SYT13: variants seen among roughly 807,000 people sequenced by gnomAD.
SYT13 encodes synaptotagmin 13, also known as synaptotagmin-13.
In SYT13, 21 loss-of-function variants were observed where a neutral mutation model predicts 38.6. The ratio of observed to expected loss-of-function variants is 0.54; its 90% CI spans 0.39 to 0.78. SYT13 has a LOEUF of 0.78. Among genes scored for constraint, SYT13 ranks in the 30% least tolerant of loss-of-function variants. The pLI is 0.00. For synonymous variants in SYT13, 241 were observed against 237.6 expected, an observed-to-expected ratio of 1.01 and a Z score of -0.13; for missense variants, 495 against 548.7, an observed-to-expected ratio of 0.90 and a Z score of 0.98.
intron 4 of SYT13, among the ~76,000 whole-genome samples, chr11:45,246,750 A>G (rs987201259): frequency 1.3e-5 from 2 of 152,180 alleles, no homozygotes; most frequent in Non-Finnish European, 2.9e-5. Flanking sequence ...GATTTTTCAT[A>G]TACCATATAC....
chr11:45,243,172 C>T lies in SYT13; in HGVS notation c.*880G>A, dbSNP rs907100012. Reference sequence around the variant, plus strand: ...TGTACTTTGTTAGGGATGGTCTCCCCAAGGATAATAGAAACTGATTTTAAG... The same window carrying T: ...TGTACTTTGTTAGGGATGGTCTCCCTAAGGATAATAGAAACTGATTTTAAG... On this transcript the variant is annotated 3_prime_UTR_variant, in exon 6 of 6. Transcript: ENST00000020926. 4.6e-5 allele frequency: 7 copies of T among 151,912 alleles called. No homozygotes were observed. The highest frequency in any genetic ancestry group is 1.7e-4 in the African/African-American group (7 of 41,328). 9.4% of individuals were successfully genotyped at this position (151,912 alleles called of 1,614,324 possible). A position where few individuals can be genotyped will look rare whatever the true frequency, so the allele number is the denominator to read the frequency against.
intron 1 of SYT13, among the ~76,000 whole-genome samples, chr11:45,282,649 C>T (rs780361648): frequency 2.0e-5 from 3 of 152,188 alleles, no homozygotes; most frequent in South Asian, 2.1e-4. Flanking sequence ...TAATGTGCTA[C>T]CAAGCTATCT....
Position 45,241,526 on chromosome 11 carries a change from A to AAAG in SYT13, c.*2523_*2525dup, listed in dbSNP as rs1565370540. On this transcript the variant is annotated 3_prime_UTR_variant, in exon 6 of 6. Coordinates refer to ENST00000020926, the MANE Select transcript of SYT13 (RefSeq NM_020826.3). ...CTCCCCCGCCCCGCCCCCCCAAAAAAAAGAAGAAGAAGAATGAAAGGATGC... is the reference window on the plus strand; with the variant it reads ...CTCCCCCGCCCCGCCCCCCCAAAAAAAAGAAGAAGAAGAAGAATGAAAGGATGC... 5 of 109,150 alleles carry AAAG rather than the reference A, an allele frequency of 4.6e-5. No homozygotes were observed. Among genetic ancestry groups the AAAG allele is most frequent in the Admixed American group, 2.7e-4 (3 of 11,038 alleles). 6.8% of individuals were successfully genotyped at this position (109,150 alleles called of 1,614,324 possible).
chr11:45,278,366 G>C (rs187844074), intron 1 of SYT13, among the ~76,000 whole-genome samples: 2 of 152,112 alleles, frequency 1.3e-5, no homozygotes, highest in Admixed American at 6.5e-5. Context: ...CCACATATTC[G>C]GATTGCTCTC....
chr11:45,267,796 C>T (rs1442129261), intron 1 of SYT13, among the ~76,000 whole-genome samples: 2 of 152,158 alleles, frequency 1.3e-5, no homozygotes, highest in Non-Finnish European at 2.9e-5. Context: ...TGACACAGTT[C>T]ACTCTGCAAA....
At chr11:45,257,484 G>T (rs1222166794) in intron 1 of SYT13, among the ~76,000 whole-genome samples, 1 of 152,218 alleles carries the variant, frequency 6.6e-6, no homozygotes, top group African/African-American at 2.4e-5. Flanking sequence ...GAAGCGAGTA[G>T]TGGGTGCAGA....
chr11:45,246,305 C>T (rs1386152456), intron 5 of SYT13, 78 bp downstream of exon 5: 62 of 1,567,404 alleles, frequency 4.0e-5, no homozygotes, highest in Non-Finnish European at 5.0e-5. Flanking sequence ...GTGACCATTT[C>T]CTCCCAGGCA....
At chr11:45,273,315 G>T (rs1854972546) in intron 1 of SYT13, among the ~76,000 whole-genome samples, 1 of 152,142 alleles carries the variant, frequency 6.6e-6, no homozygotes, top group African/African-American at 2.4e-5. Context: ...CAGCCCCCAG[G>T]CACCTAGCAG....
At position 45,242,380 on chromosome 11, in the gene SYT13, C is replaced by A. The variant is rs1159198853; in HGVS notation, c.*1672G>T. ...GATCTGGAGTTGAAGACCAGCCTGG[C>A]CAACATGGTGAAACCCCATCTCTAC... On this transcript the variant is annotated 3_prime_UTR_variant, in exon 6 of 6. Transcript: ENST00000020926. 6.6e-6 allele frequency: 1 copy of A among 152,110 alleles called. No individual in the cohort carries two copies. Among genetic ancestry groups the A allele is most frequent in the East Asian group, 1.9e-4 (1 of 5,186 alleles). 9.4% of individuals were successfully genotyped at this position (152,110 alleles called of 1,614,324 possible).
chr11:45,281,441 A>G (rs2135912461), intron 1 of SYT13, among the ~76,000 whole-genome samples: 1 of 152,052 alleles, frequency 6.6e-6, no homozygotes, highest in East Asian at 2.0e-4. Context: ...CGAGGTGGGA[A>G]GATGACATGA....
chr11:45,251,085 G>A (rs940410770), intron 4 of SYT13, among the ~76,000 whole-genome samples: 3 of 151,964 alleles, frequency 2.0e-5, no homozygotes, highest in Non-Finnish European at 4.4e-5. Context: ...AACTGATGGT[G>A]AGCATTAAAA....
At chr11:45,283,917 A>T (rs547605101) in intron 1 of SYT13, among the ~76,000 whole-genome samples, 11 of 152,272 alleles carry the variant, frequency 7.2e-5, no homozygotes, top group Non-Finnish European at 1.3e-4. Flanking sequence ...GAAAGATTGC[A>T]TCCTAATGTA....
Position 45,252,803 on chromosome 11 carries a change from G to C in SYT13, c.545-81C>G, listed in dbSNP as rs968901533. 6.9e-7 allele frequency: 1 copy of C among 1,441,136 alleles called. No individual in the cohort carries two copies. The highest frequency in any genetic ancestry group is 2.4e-5 in the Admixed American group (1 of 42,258). The allele number at this position is 1,441,136 out of a possible 1,614,324, so 89.3% of individuals were successfully genotyped here. ...GCAGAAGCACGCCTTGCTTAGGGCT[G>C]TGGAATCCAGCTTAACGACGTGACC... is the stretch of plus-strand genomic sequence containing the variant. On this transcript the variant is annotated intron_variant, in intron 3 of 5. Coordinates refer to ENST00000020926, the MANE Select transcript of SYT13 (RefSeq NM_020826.3). The surrounding 1 kb of genome is among the most constrained non-coding windows in gnomAD (Gnocchi z 4.3).
At chr11:45,269,636 A>T (rs574793905) in intron 1 of SYT13, 115 of 389,962 alleles carry the variant, frequency 2.9e-4, no homozygotes, top group South Asian at 2.6e-3. Flanking sequence ...TTTTTACTAC[A>T]GAGGAGGAAA....
In SYT13 at chr11:45,261,186, G is replaced by A. The variant is rs377188973; in HGVS notation, c.184-5295C>T. Among the ~76,000 whole-genome samples the A allele has an allele frequency of 5.3e-5, 8 of 152,322 alleles. No homozygotes were observed. In the South Asian group the frequency reaches 8.3e-4, roughly 16 times the overall value. The stretch of plus-strand genomic sequence containing the variant: ...GTGAGATACCACCTCACACCCATTA[G>A]GATGGCTACTATCAACAAAACAGAA... On this transcript the variant is annotated intron_variant, in intron 1 of 5. Coordinates refer to ENST00000020926, the MANE Select transcript of SYT13 (RefSeq NM_020826.3).
intron 1 of SYT13, among the ~76,000 whole-genome samples, chr11:45,275,865 A>G (rs1393570040): frequency 6.6e-6 from 1 of 152,228 alleles, no homozygotes; most frequent in African/African-American, 2.4e-5. Flanking sequence ...AGAATGGGAA[A>G]GATGACAATA....
At chr11:45,267,066 A>G (rs1854891789) in intron 1 of SYT13, among the ~76,000 whole-genome samples, 1 of 152,238 alleles carries the variant, frequency 6.6e-6, no homozygotes, top group Non-Finnish European at 1.5e-5. Flanking sequence ...TTAAATCCTC[A>G]TAATAACCTT....
At chr11:45,282,960 C>A (rs1309425369) in intron 1 of SYT13, among the ~76,000 whole-genome samples, 2 of 151,988 alleles carry the variant, frequency 1.3e-5, no homozygotes. Context: ...CCAGCCTAGG[C>A]AACATGGTGA....
Position 45,252,182 on chromosome 11 carries a change from A to C in SYT13, c.846+239T>G, listed in dbSNP as rs1854684379. 6.6e-6 allele frequency among the ~76,000 whole-genome samples: 1 copy of C among 152,128 alleles called. No homozygotes were observed. Among genetic ancestry groups the C allele is most frequent in the African/African-American group, 2.4e-5 (1 of 41,430 alleles). ...TGGCATTTTCCATGACGGCAGAGAG[A>C]GTCTTTGCATGGCAAGTTAGAGCCA... On this transcript the variant is annotated intron_variant, in intron 4 of 5. Transcript: ENST00000020926. The surrounding 1 kb of genome is among the most constrained non-coding windows in gnomAD (Gnocchi z 4.3).
Sources: allele counts gnomAD v4.1 joint callset (sites outside exome capture counted in the v4.1 genomes callset), GRCh38; gene constraint gnomAD v4.1.1; non-coding constraint Gnocchi (gnomAD v3.1); transcripts MANE v1.5; gene names NCBI Gene and HGNC (gene_info 2026-07-23, HGNC 2026-07-21).